The following CNBD1 variants were observed in gnomAD, a reference collection of about 807,000 sequenced individuals.
CNBD1 encodes cyclic nucleotide binding domain containing 1.
A neutral mutation model predicts 54.4 loss-of-function variants in CNBD1; 71 were observed. That is an observed-to-expected ratio of 1.30 (90% CI 1.08 to 1.59). The LOEUF is 1.59. CNBD1 is among the 40% of genes most tolerant of loss of function. The pLI is 0.00. For synonymous variants in CNBD1, 182 were observed against 170.7 expected (o/e 1.07, Z -0.51); for missense variants, 659 against 518.0 (o/e 1.27, Z -2.64).
In CNBD1 at chr8:87,217,673, C is replaced by A. The variant is rs1237236279; in HGVS notation, c.577+11535C>A. Among the ~76,000 whole-genome samples the A allele has an allele frequency of 2.0e-5, 3 of 150,572 alleles. No homozygotes were observed. In the East Asian group the frequency reaches 5.8e-4, roughly 29 times the overall value. On this transcript the variant is annotated intron_variant, in intron 5 of 10. Transcript: ENST00000518476. Reference sequence around the variant, plus strand: ...AGAGAAAAAAGTTTGACTTTAATAGCCAACTATTCATGATATTTATTATCA... The same window carrying A: ...AGAGAAAAAAGTTTGACTTTAATAGACAACTATTCATGATATTTATTATCA...
chr8:87,174,199 C>T (rs567934099), intron 4 of CNBD1, among the ~76,000 whole-genome samples: 2 of 152,192 alleles, frequency 1.3e-5, no homozygotes, highest in East Asian at 3.9e-4. Context: ...ACCTCGTTAT[C>T]TGCCCGCCTC....
At chr8:87,327,126 G>A (rs1287068843) in intron 8 of CNBD1, among the ~76,000 whole-genome samples, 10 of 144,046 alleles carry the variant, frequency 6.9e-5, no homozygotes, top group African/African-American at 2.1e-4. Context: ...GGGGGTCAGG[G>A]GTCAGGGACC....
intron 4 of CNBD1, among the ~76,000 whole-genome samples, chr8:87,178,611 C>G (rs569898381): frequency 3.3e-5 from 5 of 152,316 alleles, no homozygotes; most frequent in African/African-American, 1.2e-4. Context: ...ACAAACCTGA[C>G]TTCCATTGCC....
chr8:87,388,588 C>A (rs1197368197), intron 2 of CNBD1, among the ~76,000 whole-genome samples: 1 of 152,120 alleles, frequency 6.6e-6, no homozygotes, highest in Non-Finnish European at 1.5e-5. Context: ...ATAACAGGCT[C>A]TGAAATTGAG....
chr8:87,350,982 A>G (rs1437234631), intron 8 of CNBD1, among the ~76,000 whole-genome samples: 1 of 152,192 alleles, frequency 6.6e-6, no homozygotes, highest in Non-Finnish European at 1.5e-5. Context: ...TGATAATAAC[A>G]TCGATTTATT....
At chr8:87,255,779 G>C (rs1468717996) in intron 6 of CNBD1, among the ~76,000 whole-genome samples, 1 of 149,962 alleles carries the variant, frequency 6.7e-6, no homozygotes. Context: ...TAGCCTTCTG[G>C]GTCTCATTTT....
intron 4 of CNBD1, among the ~76,000 whole-genome samples, chr8:87,187,775 A>C (rs1285071722): frequency 6.6e-6 from 1 of 152,176 alleles, no homozygotes; most frequent in Non-Finnish European, 1.5e-5. Context: ...TAATTACATA[A>C]TTCATTATAA....
chr8:87,253,599 C>T (rs112602800), intron 6 of CNBD1, among the ~76,000 whole-genome samples: 1 of 152,122 alleles, frequency 6.6e-6, no homozygotes, highest in Non-Finnish European at 1.5e-5. Flanking sequence ...TGTGGTATCT[C>T]TTTTCTGGTA....
chr8:87,080,108 TC>T (rs1810958593), intron 4 of CNBD1, among the ~76,000 whole-genome samples: 1 of 152,222 alleles, frequency 6.6e-6, no homozygotes, highest in African/African-American at 2.4e-5. Flanking sequence ...TTGTCAAAAA[TC>T]AATTGAGCCT....
intron 4 of CNBD1, among the ~76,000 whole-genome samples, chr8:86,987,941 A>G (rs1808645465): frequency 6.6e-6 from 1 of 152,112 alleles, no homozygotes; most frequent in Admixed American, 6.6e-5. Context: ...TTCATCAGAG[A>G]TATTGACCTG....
chr8:87,374,395 TA>T (rs1225238157), intron 10 of CNBD1, among the ~76,000 whole-genome samples: 1 of 151,834 alleles, frequency 6.6e-6, no homozygotes, highest in East Asian at 1.9e-4. Context: ...GCACAAATGA[TA>T]AAAAATACCA....
At chr8:86,978,395 T>C (rs1808391165) in intron 4 of CNBD1, among the ~76,000 whole-genome samples, 1 of 152,146 alleles carries the variant, frequency 6.6e-6, no homozygotes, top group African/African-American at 2.4e-5. Context: ...GCAGATAATT[T>C]AGACAGTCTG....
intron 10 of CNBD1, among the ~76,000 whole-genome samples, chr8:87,363,203 C>T (rs1810558432): frequency 6.6e-6 from 1 of 152,102 alleles, no homozygotes; most frequent in South Asian, 2.1e-4. Flanking sequence ...TTTATGGCCA[C>T]ATAGTATTCC....
At chr8:87,176,833 T>A (rs1042110919) in intron 4 of CNBD1, among the ~76,000 whole-genome samples, 3 of 152,112 alleles carry the variant, frequency 2.0e-5, no homozygotes, top group Admixed American at 2.0e-4. Context: ...TTTATTCTTA[T>A]TATTTCTGGC....
intron 10 of CNBD1, among the ~76,000 whole-genome samples, chr8:87,375,350 C>A (rs1040304063): frequency 6.6e-6 from 1 of 151,730 alleles, no homozygotes; most frequent in Non-Finnish European, 1.5e-5. Context: ...GAATTTAGCA[C>A]ATTTCAAAGA....
At chr8:87,042,740 T>C (rs1282175694) in intron 4 of CNBD1, among the ~76,000 whole-genome samples, 2 of 152,234 alleles carry the variant, frequency 1.3e-5, no homozygotes, top group East Asian at 3.9e-4. Context: ...CTAACAATTA[T>C]GTGTTATAAA....
intron 4 of CNBD1, among the ~76,000 whole-genome samples, chr8:87,186,687 C>T (rs554169841): frequency 6.6e-5 from 10 of 151,922 alleles, no homozygotes; most frequent in African/African-American, 2.2e-4. Context: ...TTTTAAATTT[C>T]TTTTTGAATT....
At chr8:87,326,069 G>T (rs1310129293) in intron 8 of CNBD1, among the ~76,000 whole-genome samples, 2 of 124,406 alleles carry the variant, frequency 1.6e-5, no homozygotes, top group Non-Finnish European at 3.5e-5. Context: ...ATGAAGCTTA[G>T]TTTGGCTGGA....
At chr8:87,373,820 A>T (rs1032558921) in intron 10 of CNBD1, among the ~76,000 whole-genome samples, 1 of 151,824 alleles carries the variant, frequency 6.6e-6, no homozygotes, top group African/African-American at 2.4e-5. Context: ...GTTTCTGTGT[A>T]AACCTTAAAC....
Sources: gnomAD v4.1 joint callset for allele counts (sites outside exome capture counted in the v4.1 genomes callset) on GRCh38, gnomAD v4.1.1 for gene constraint, MANE v1.5 for transcripts, NCBI Gene and HGNC (gene_info 2026-07-23, HGNC 2026-07-21) for gene names.